The following RPL7 variants were observed in gnomAD, a reference collection of about 807,000 sequenced individuals.
RPL7 encodes large ribosomal subunit protein uL30.
For missense variants in RPL7, 205 were observed against 301.9 expected (o/e 0.68, Z 2.38); for synonymous variants, 100 against 102.2 (o/e 0.98, Z 0.13).
Position 73,291,661 on chromosome 8 carries a change from C to T in RPL7, c.429G>A (p.Gly143=), listed in dbSNP as rs768099547. ...LRIVEPYIAW[G]YPNLKSVNEL... ...CATTTACTGACTTCAGATTGGGGTA[C>T]CTGAAGTGAAAAAGCAAACATAAAT... Residue 143 remains glycine (G), a splice_region_variant and synonymous_variant, in exon 5 of 7, where the codon GGG becomes GGA. Coordinates refer to ENST00000352983, the MANE Select transcript of RPL7 (RefSeq NM_000971.4). 1.9e-6 allele frequency: 3 copies of T among 1,590,424 alleles called. No individual in the cohort carries two copies. Among genetic ancestry groups the T allele is most frequent in the Non-Finnish European group, 1.7e-6 (2 of 1,161,048 alleles).
upstream of RPL7, chr8:73,293,726 A>C: frequency 7.3e-7 from 1 of 1,372,870 alleles, no homozygotes; most frequent in South Asian, 1.3e-5. Flanking sequence ...AAGAATCCAG[A>C]ACTAAAAAGC....
At chr8:73,293,378 C>T (rs1181256019) in intron 1 of RPL7, 4 of 546,778 alleles carry the variant, frequency 7.3e-6, no homozygotes, top group African/African-American at 3.8e-5. Flanking sequence ...CACACACATT[C>T]CAACCCGACA....
At chr8:73,292,186 A>AT in intron 3 of RPL7, 53 bp downstream of exon 3, 2 of 1,173,310 alleles carry the variant, frequency 1.7e-6, no homozygotes, top group South Asian at 2.7e-5. Flanking sequence ...AGTAATGTGA[A>AT]GGTTTTTTTT....
chr8:73,293,238 GAAAGC>G (rs1814150958), intron 1 of RPL7: 2 of 262,456 alleles, frequency 7.6e-6, no homozygotes, highest in East Asian at 1.6e-4. Context: ...TCCACATGTT[GAAAGC>G]AAAGGCCTGG....
rs542272396 is a variant in RPL7, at chr8:73,293,050, G to A, written c.15-253C>T. On this transcript the variant is annotated intron_variant, in intron 1 of 6. Transcript: ENST00000352983. ...ACGTTTTTCCCTATTTCAACCAAGA[G>A]GCCCGGCCTCCGACGACTAATTAAA... 8.3e-4 allele frequency: 308 copies of A among 372,342 alleles called. 5 individuals carry two copies. In the East Asian group the frequency reaches 0.012, roughly 15 times the overall value. The allele number at this position is 372,342 out of a possible 1,614,324, so 23.1% of individuals were successfully genotyped here.
intron 2 of RPL7, 76 bp downstream of exon 2, chr8:73,292,613 G>A (rs1814129175): frequency 2.5e-6 from 3 of 1,182,618 alleles, no homozygotes; most frequent in South Asian, 2.8e-5. Flanking sequence ...AGTAAATCTT[G>A]CCAAGAACAT....
In RPL7 at chr8:73,293,629, A is replaced by G. The variant is rs765170090; in HGVS notation, c.-17T>C. ...ACCCTCCATGGTTCCAGCCGGAAAA[A>G]GAGGAAGTTGGCGCATGCGTACTGT... On this transcript the variant is annotated 5_prime_UTR_variant, in exon 1 of 7. Coordinates refer to ENST00000352983, the MANE Select transcript of RPL7 (RefSeq NM_000971.4). 45 of 1,613,592 alleles carry G rather than the reference A, an allele frequency of 2.8e-5. No individual in the cohort carries two copies. Among genetic ancestry groups the G allele is most frequent in the Non-Finnish European group, 3.6e-5 (43 of 1,179,796 alleles).
At chr8:73,290,915 C>T (rs1033453701) in intron 6 of RPL7, 128 bp downstream of exon 6, 8 of 705,506 alleles carry the variant, frequency 1.1e-5, no homozygotes, top group Non-Finnish European at 1.5e-5. Flanking sequence ...GATAGTTGAC[C>T]CCCACTCCCC....
At chr8:73,291,698 T>C in intron 4 of RPL7, 37 bp from the exon 5 acceptor site, 1 of 1,590,686 alleles carries the variant, frequency 6.3e-7, no homozygotes, top group Non-Finnish European at 8.6e-7. Context: ...AGGTGACCAC[T>C]GTTAAAACAT....
chr8:73,292,587 C>T (rs1263527203), intron 2 of RPL7, 102 bp downstream of exon 2: 1 of 1,059,608 alleles, frequency 9.4e-7, no homozygotes. Flanking sequence ...TAAGCAATTA[C>T]TCAGTACAGT....
upstream of RPL7, chr8:73,293,759 C>A: frequency 1.1e-6 from 1 of 905,510 alleles, no homozygotes; most frequent in South Asian, 1.5e-5. Flanking sequence ...GCAAAGAACT[C>A]CCTGATTTAG....
chr8:73,292,519 T>C (rs911618878), intron 2 of RPL7, 114 bp from the exon 3 acceptor site: 9 of 1,126,478 alleles, frequency 8.0e-6, no homozygotes, highest in South Asian at 3.1e-5. Flanking sequence ...TGCCACAGTA[T>C]GCAATTACAT....
chr8:73,292,900 C>T (rs919084802), intron 1 of RPL7, 103 bp from the exon 2 acceptor site: 2 of 778,696 alleles, frequency 2.6e-6, no homozygotes, highest in African/African-American at 1.7e-5. Flanking sequence ...CTGTCACTGA[C>T]TTTAGTCACT....
At chr8:73,293,735 G>T, upstream of RPL7, 1 of 1,273,250 alleles carries the variant, frequency 7.9e-7, no homozygotes, top group Non-Finnish European at 1.1e-6. Context: ...GAACTAAAAA[G>T]CCGCCTTGCA....
At chr8:73,293,658 C>A (rs747611432), upstream of RPL7, 6 of 1,611,532 alleles carry the variant, frequency 3.7e-6, no homozygotes, top group Admixed American at 8.4e-5. Flanking sequence ...GTACTGTCCA[C>A]TTAAAGACTT....
Position 73,292,471 on chromosome 8 carries a change from A to C in RPL7, c.124-66T>G. The stretch of plus-strand genomic sequence containing the variant: ...TCACAATTAGCAATGCCAATCATTA[A>C]AAAGAAAACTACAACATGTTTCCTT... On this transcript the variant is annotated intron_variant, in intron 2 of 6. Transcript: ENST00000352983. 3 of 1,403,804 alleles carry C rather than the reference A, an allele frequency of 2.1e-6. No homozygotes were observed. The South Asian group carries it at 3.8e-5, about 18-fold the overall frequency. 87.0% of individuals were successfully genotyped at this position (1,403,804 alleles called of 1,614,324 possible).
chr8:73,292,618 G>C (rs1037942276), intron 2 of RPL7, 71 bp downstream of exon 2: 1 of 1,208,696 alleles, frequency 8.3e-7, no homozygotes, highest in East Asian at 2.3e-5. Flanking sequence ...ATCTTGCCAA[G>C]AACATTCACC....
At chr8:73,292,558 G>A (rs767598949) in intron 2 of RPL7, 131 bp downstream of exon 2, 1 of 1,014,940 alleles carries the variant, frequency 9.9e-7, no homozygotes. Flanking sequence ...ACTACCTTCA[G>A]ATTGTAACAT....
intron 5 of RPL7, 58 bp from the exon 6 acceptor site, chr8:73,291,310 A>G: frequency 7.2e-7 from 1 of 1,396,000 alleles, no homozygotes; most frequent in Non-Finnish European, 9.9e-7. Flanking sequence ...TGAAATAATT[A>G]TTCAAAATCT....
Sources: gnomAD v4.1 joint callset for allele counts on GRCh38, gnomAD v4.1.1 for gene constraint, MANE v1.5 for transcripts, NCBI Gene and HGNC (gene_info 2026-07-23, HGNC 2026-07-21) for gene names.